The following KL variants were observed in gnomAD, a reference collection of about 807,000 sequenced individuals.
KL encodes alpha-klotho.
KL carries 62 observed loss-of-function variants against 84.2 expected under a neutral mutation model. The observed-to-expected ratio is 0.74, with a 90% CI of 0.60 to 0.91. The LOEUF is 0.91. Among genes scored for constraint, KL ranks in the 40% least tolerant of loss-of-function variants. The pLI is 0.00. For missense variants in KL, 1,261 were observed against 1,305.7 expected, an observed-to-expected ratio of 0.97 and a Z score of 0.53; for synonymous variants, 528 against 528.0, an observed-to-expected ratio of 1.00 and a Z score of 0.00.
Position 33,042,961 on chromosome 13 carries a change from C to T in KL, c.820-10806C>T, listed in dbSNP as rs553569374. Among the ~76,000 whole-genome samples, 5 of 152,274 alleles carry T rather than the reference C, an allele frequency of 3.3e-5. No homozygotes were observed. The East Asian group carries it at 9.7e-4, about 29-fold the overall frequency. ...CCTCCCAAAGTGCTGGGATTACAGT[C>T]TTGAGCCACTGTGCCCGGCCAGCAT... On this transcript the variant is annotated intron_variant, in intron 1 of 4. Transcript: ENST00000380099.
chr13:33,060,542 G>A (rs1872135645), intron 3 of KL, 137 bp from the exon 4 acceptor site: 1 of 956,960 alleles, frequency 1.0e-6, no homozygotes, highest in Admixed American at 2.0e-5. Context: ...GACAATTTAT[G>A]AAAAATAGTT....
chr13:33,016,586 CTGCCCCCGAGGCCGCGGGCCTCT>C lies in KL; in HGVS notation c.148_170del (p.Ala50ProfsTer277). ...ACCTGGGCCCGTTTCTCGCGGCCTC[CTGCCCCCGAGGCCGCGGGCCTCT>C]TCCAGGGCACCTTCCCCGACGGCTT... On this transcript the variant is annotated frameshift_variant, in exon 1 of 5. Coordinates refer to ENST00000380099, the MANE Select transcript of KL (RefSeq NM_004795.4). LOFTEE classifies it high-confidence loss of function. The C allele has an allele frequency of 1.3e-6, 2 of 1,495,652 alleles. No individual in the cohort carries two copies. The highest frequency in any genetic ancestry group is 1.8e-6 in the Non-Finnish European group (2 of 1,123,448). 92.6% of individuals were successfully genotyped at this position (1,495,652 alleles called of 1,614,324 possible).
intron 1 of KL, among the ~76,000 whole-genome samples, chr13:33,049,802 A>G (rs1354966872): frequency 2.0e-5 from 3 of 152,156 alleles, no homozygotes; most frequent in Admixed American, 6.5e-5. Flanking sequence ...GCTATCAGCC[A>G]TTTTCCCTTT....
intron 1 of KL, among the ~76,000 whole-genome samples, chr13:33,038,493 G>C (rs2138210654): frequency 1.3e-5 from 2 of 152,274 alleles, no homozygotes; most frequent in South Asian, 4.2e-4. Context: ...TAATTATTTG[G>C]ATCTTACAGT....
chr13:33,050,350 C>T (rs1871696393), intron 1 of KL, among the ~76,000 whole-genome samples: 1 of 152,172 alleles, frequency 6.6e-6, no homozygotes, highest in Non-Finnish European at 1.5e-5. Flanking sequence ...TTATTTGTTG[C>T]AACATCCTAA....
rs1872348320 is a variant in KL at position 33,064,823 on chromosome 13, A to T, written c.*637A>T. 8.8e-6 allele frequency: 2 copies of T among 227,226 alleles called. No individual in the cohort carries two copies. Among genetic ancestry groups the T allele is most frequent in the Non-Finnish European group, 8.7e-6 (1 of 114,414 alleles). 14.1% of individuals were successfully genotyped at this position (227,226 alleles called of 1,614,324 possible). Reference sequence around the variant, plus strand: ...ATTATGGAAATGTGTATTTTATATGATTTTTGAGGTCCTGTCTAAACCCTG... The same window carrying T: ...ATTATGGAAATGTGTATTTTATATGTTTTTTGAGGTCCTGTCTAAACCCTG... On this transcript the variant is annotated 3_prime_UTR_variant, in exon 5 of 5. Coordinates refer to ENST00000380099, the MANE Select transcript of KL (RefSeq NM_004795.4).
At chr13:33,042,496 GAGTTCTTTC>G (rs1284871611) in intron 1 of KL, among the ~76,000 whole-genome samples, 1 of 151,326 alleles carries the variant, frequency 6.6e-6, no homozygotes, top group Non-Finnish European at 1.5e-5. Flanking sequence ...CTCTGTGTCT[GAGTTCTTTC>G]AATCTACACA....
rs1345804399 is a variant in KL, at chr13:33,065,671, GTTTAT to G, written c.*1491_*1495del. 5.6e-6 allele frequency: 1 copy of G among 177,678 alleles called. No individual in the cohort carries two copies. Among genetic ancestry groups the G allele is most frequent in the Non-Finnish European group, 1.2e-5 (1 of 82,750 alleles). The allele number at this position is 177,678 out of a possible 1,614,324, so 11.0% of individuals were successfully genotyped here. ...TTAAAATTGGATGCTAGAGAATCAA[GTTTAT>G]TTTATGTATATATTTTTCTGATTAT... On this transcript the variant is annotated 3_prime_UTR_variant, in exon 5 of 5. Coordinates refer to ENST00000380099, the MANE Select transcript of KL (RefSeq NM_004795.4).
chr13:33,064,265 G>T lies in KL; in HGVS notation c.*79G>T. On this transcript the variant is annotated 3_prime_UTR_variant, in exon 5 of 5. Transcript: ENST00000380099. ...CTGTTAACCATTTGCACCTCTAAGT[G>T]TTGTGAAACTGTAAATTTCATACAT... 1 of 1,081,652 alleles carries T rather than the reference G, an allele frequency of 9.2e-7. No individual in the cohort carries two copies. Among genetic ancestry groups the T allele is most frequent in the East Asian group, 2.4e-5 (1 of 41,510 alleles). The allele number at this position is 1,081,652 out of a possible 1,614,324, so 67.0% of individuals were successfully genotyped here.
intron 1 of KL, among the ~76,000 whole-genome samples, chr13:33,028,493 G>A (rs373069777): frequency 2.0e-5 from 3 of 152,192 alleles, no homozygotes; most frequent in African/African-American, 7.2e-5. Context: ...TCTATGAAAG[G>A]GCAGGTCTAA....
rs774052269 is a variant in KL, at chr13:33,019,293, G to A, written c.819+2034G>A. Among the ~76,000 whole-genome samples, 34 of 151,820 alleles carry A rather than the reference G, an allele frequency of 2.2e-4. 1 individual carries two copies. The highest frequency in any genetic ancestry group is 6.3e-4 in the South Asian group (3 of 4,784). On this transcript the variant is annotated intron_variant, in intron 1 of 4. Transcript: ENST00000380099. ...CATTCTGTTTTCAATGACCTTTCTC[G>A]GTGTGTATATAGGGGTTGGGGGAAG...
Position 33,038,901 on chromosome 13 carries a change from G to C in KL, c.820-14866G>C, listed in dbSNP as rs537838864. On this transcript the variant is annotated intron_variant, in intron 1 of 4. Coordinates refer to ENST00000380099, the MANE Select transcript of KL (RefSeq NM_004795.4). The stretch of plus-strand genomic sequence containing the variant: ...AAATTTTCCAAAATTGAAAATTCCA[G>C]TTTTAAAAAATTTGTGTTTTCTTAT... 9.2e-5 allele frequency among the ~76,000 whole-genome samples: 14 copies of C among 152,198 alleles called. No individual in the cohort carries two copies. The East Asian group carries it at 2.3e-3, about 25-fold the overall frequency.
At chr13:33,039,193 A>C (rs566850455) in intron 1 of KL, among the ~76,000 whole-genome samples, 1 of 152,304 alleles carries the variant, frequency 6.6e-6, no homozygotes, top group Non-Finnish European at 1.5e-5. Flanking sequence ...ATTGCTCATA[A>C]AATTAATAAA....
At chr13:33,048,942 T>C (rs1398931104) in intron 1 of KL, among the ~76,000 whole-genome samples, 1 of 152,156 alleles carries the variant, frequency 6.6e-6, no homozygotes, top group Non-Finnish European at 1.5e-5. Context: ...CTTCCAAAAT[T>C]TGGGGCTACT....
In KL at chr13:33,055,804, G is replaced by A. The variant is rs1431949575; in HGVS notation, c.1599+489G>A. On this transcript the variant is annotated intron_variant, in intron 3 of 4. Coordinates refer to ENST00000380099, the MANE Select transcript of KL (RefSeq NM_004795.4). The stretch of plus-strand genomic sequence containing the variant: ...AAACCCTAGATCCAATGATTCACTG[G>A]TCAGAATGTCTTTTTTAGCAATAGT... 2.0e-5 allele frequency among the ~76,000 whole-genome samples: 3 copies of A among 152,204 alleles called. No individual in the cohort carries two copies. In the East Asian group the frequency reaches 5.8e-4, roughly 29 times the overall value.
At position 33,059,395 on chromosome 13, in the gene KL, C is replaced by T. The variant is rs149241536; in HGVS notation, c.1600-1284C>T. Among the ~76,000 whole-genome samples the T allele has an allele frequency of 2.0e-3, 304 of 152,176 alleles. 3 individuals are homozygous for T. Among genetic ancestry groups the T allele is most frequent in the African/African-American group, 7.0e-3 (289 of 41,510 alleles). ...ATAATTTAGAAAAATTTTTTAACTA[C>T]GTTAAAAATTCCACTATGGGTGGAT... On this transcript the variant is annotated intron_variant, in intron 3 of 4. Transcript: ENST00000380099.
In KL at chr13:33,054,247, C is replaced by T; in HGVS notation, c.1300C>T (p.Leu434Phe). 1 of 1,613,318 alleles carries T rather than the reference C, an allele frequency of 6.2e-7. No homozygotes were observed. ...AGATGATGCCAAATATATGTATTAC[C>T]TCAAAAAGTTCATCATGGAAACCTT... The part of the protein sequence containing the change: ...KRDDAKYMYY[L>F]KKFIMETLKA... The change falls in exon 2 of 5, where the codon CTC (leucine) becomes TTC (phenylalanine). Residue 434 changes from leucine to phenylalanine, a missense_variant. Coordinates refer to ENST00000380099, the MANE Select transcript of KL (RefSeq NM_004795.4).
chr13:33,052,397 C>G (rs1367341805), intron 1 of KL, among the ~76,000 whole-genome samples: 1 of 152,164 alleles, frequency 6.6e-6, no homozygotes, highest in African/African-American at 2.4e-5. Context: ...GATTAAGACC[C>G]TGGTTTCTTA....
rs538839460 is a variant in KL at position 33,017,346 on chromosome 13, C to T, written c.819+87C>T. On this transcript the variant is annotated intron_variant, in intron 1 of 4. Transcript: ENST00000380099. ...AGGGGGAAGTGTGGGAACTGAGTCT[C>T]CCCCAGACGAGGCTTCACTTGGACA... 72 of 1,251,258 alleles carry T rather than the reference C, an allele frequency of 5.8e-5. No homozygotes were observed. The South Asian group carries it at 1.0e-3, about 18-fold the overall frequency. The allele number at this position is 1,251,258 out of a possible 1,614,324, so 77.5% of individuals were successfully genotyped here. A position where few individuals can be genotyped will look rare whatever the true frequency, so the allele number is the denominator to read the frequency against.
Sources: gnomAD v4.1 joint callset for allele counts (sites outside exome capture counted in the v4.1 genomes callset) on GRCh38, gnomAD v4.1.1 for gene constraint, MANE v1.5 for transcripts, NCBI Gene and HGNC (gene_info 2026-07-23, HGNC 2026-07-21) for gene names.